The following LRRC4C variants were observed in gnomAD, a reference collection of about 807,000 sequenced individuals.
LRRC4C encodes leucine-rich repeat-containing protein 4C.
A neutral mutation model predicts 33.6 loss-of-function variants in LRRC4C; 5 were observed. That is an observed-to-expected ratio of 0.15 (90% CI 0.08 to 0.31). The LOEUF (loss-of-function observed/expected upper bound fraction) is 0.31. LRRC4C is among the 10% of genes least tolerant of loss of function. LRRC4C has a pLI of 1.00. For missense variants in LRRC4C, 560 were observed against 796.7 expected (o/e 0.70, Z 3.58); for synonymous variants, 329 against 302.0 (o/e 1.09, Z -0.93).
At chr11:40,537,487 G>A (rs2135360187) in intron 3 of LRRC4C, among the ~76,000 whole-genome samples, 1 of 152,310 alleles carries the variant, frequency 6.6e-6, no homozygotes, top group South Asian at 2.1e-4. Context: ...GATTGTAGGA[G>A]ATAGTTGTAG....
chr11:41,122,251 T>C (rs1201384739), intron 1 of LRRC4C, among the ~76,000 whole-genome samples: 2 of 152,102 alleles, frequency 1.3e-5, no homozygotes, highest in Non-Finnish European at 2.9e-5. Context: ...CAAAATACAA[T>C]AGGGTAAAAC....
intron 3 of LRRC4C, among the ~76,000 whole-genome samples, chr11:40,512,708 G>A (rs1200678169): frequency 6.6e-6 from 1 of 152,164 alleles, no homozygotes; most frequent in African/African-American, 2.4e-5. Context: ...CCACCTTAAA[G>A]ATCAATCCTA....
At chr11:41,402,455 T>C (rs1954062170) in intron 1 of LRRC4C, among the ~76,000 whole-genome samples, 1 of 152,064 alleles carries the variant, frequency 6.6e-6, no homozygotes, top group Admixed American at 6.6e-5. Flanking sequence ...ATAAAAGTAT[T>C]CCTTTCAGCA....
chr11:40,365,612 A>T (rs902413114), intron 3 of LRRC4C, among the ~76,000 whole-genome samples: 1 of 151,768 alleles, frequency 6.6e-6, no homozygotes, highest in Non-Finnish European at 1.5e-5. Context: ...ACCAAACAAG[A>T]GGTGAGGGCT....
intron 3 of LRRC4C, among the ~76,000 whole-genome samples, chr11:40,379,609 A>C (rs1413708609): frequency 1.3e-5 from 2 of 152,162 alleles, no homozygotes; most frequent in African/African-American, 4.8e-5. Context: ...AAAAAACCTG[A>C]GGTGTATTTT....
chr11:40,678,019 C>T (rs533445626), intron 2 of LRRC4C, among the ~76,000 whole-genome samples: 6 of 151,988 alleles, frequency 3.9e-5, no homozygotes, highest in Non-Finnish European at 7.4e-5. Context: ...TTAAGAGTAC[C>T]AATGTCTTCC....
At chr11:41,248,259 A>G (rs1476433075) in intron 1 of LRRC4C, among the ~76,000 whole-genome samples, 1 of 152,170 alleles carries the variant, frequency 6.6e-6, no homozygotes, top group Non-Finnish European at 1.5e-5. Flanking sequence ...CAAATCCTGG[A>G]AAGAACTGTC....
intron 3 of LRRC4C, among the ~76,000 whole-genome samples, chr11:40,431,699 C>T (rs147883299): frequency 0.012 from 1,752 of 152,252 alleles, 15 homozygotes; most frequent in South Asian, 0.023. Context: ...ATACTTCATA[C>T]GCATCATGCT....
At chr11:40,189,223 T>C (rs1055559586) in intron 5 of LRRC4C, among the ~76,000 whole-genome samples, 3 of 151,104 alleles carry the variant, frequency 2.0e-5, no homozygotes, top group South Asian at 2.1e-4. Context: ...ATTTCCCCTT[T>C]TAATAGAATC....
At chr11:40,710,788 A>G (rs1165817361) in intron 2 of LRRC4C, among the ~76,000 whole-genome samples, 1 of 152,174 alleles carries the variant, frequency 6.6e-6, no homozygotes, top group African/African-American at 2.4e-5. Flanking sequence ...TTGTTCAGCT[A>G]TACCCTGCCC....
At chr11:40,916,175 G>T (rs1406018879) in intron 2 of LRRC4C, among the ~76,000 whole-genome samples, 1 of 152,194 alleles carries the variant, frequency 6.6e-6, no homozygotes, top group African/African-American at 2.4e-5. Context: ...AATACCATTT[G>T]ACCCAGTCAT....
chr11:40,835,546 C>T (rs1952632514), intron 2 of LRRC4C, among the ~76,000 whole-genome samples: 1 of 152,124 alleles, frequency 6.6e-6, no homozygotes, highest in Admixed American at 6.6e-5. Context: ...GTACTAATGA[C>T]CACAAAAATC....
intron 3 of LRRC4C, among the ~76,000 whole-genome samples, chr11:40,385,277 G>A (rs1461434595): frequency 1.3e-5 from 2 of 152,150 alleles, no homozygotes; most frequent in Admixed American, 6.5e-5. Flanking sequence ...GAAACATTAA[G>A]TCATCTCAAG....
intron 1 of LRRC4C, among the ~76,000 whole-genome samples, chr11:41,138,002 T>A (rs1332284174): frequency 6.6e-6 from 1 of 152,158 alleles, no homozygotes; most frequent in South Asian, 2.1e-4. Context: ...TTGTAAAAAA[T>A]TAAGTAGCTA....
At chr11:40,918,301 G>A (rs1460510483) in intron 2 of LRRC4C, among the ~76,000 whole-genome samples, 1 of 152,074 alleles carries the variant, frequency 6.6e-6, no homozygotes, top group Non-Finnish European at 1.5e-5. Flanking sequence ...GGATATGTGT[G>A]TGCATGTGTG....
chr11:41,448,122 G>GTTTTTTTTTTGTTTTTTTTT (rs1955888158), intron 1 of LRRC4C, among the ~76,000 whole-genome samples: 1 of 46,948 alleles, frequency 2.1e-5, no homozygotes, highest in Non-Finnish European at 4.4e-5. Context: ...GCACACGTCT[G>GTTTTTTTTTTGTTTTTTTTT]TTTTTTTTTT....
intron 3 of LRRC4C, among the ~76,000 whole-genome samples, chr11:40,609,247 GA>G (rs1960948898): frequency 6.6e-6 from 1 of 151,908 alleles, no homozygotes; most frequent in African/African-American, 2.4e-5. Context: ...AATAAAAGTA[GA>G]AATCAACAAC....
chr11:40,849,897 G>A (rs1212934113), intron 2 of LRRC4C, among the ~76,000 whole-genome samples: 1 of 150,916 alleles, frequency 6.6e-6, no homozygotes, highest in Non-Finnish European at 1.5e-5. Flanking sequence ...ATCTCTGATA[G>A]CCTTTCTTCT....
chr11:40,663,986 A>C lies in LRRC4C; in HGVS notation c.-406-15708T>G, dbSNP rs112992991. ...TCTTCTTGATGATTTTGTCTGATCA[A>C]AGGTTGTACAGAAGTCCCGCATATA... On this transcript the variant is annotated intron_variant, in intron 2 of 6. Coordinates refer to ENST00000528697, the MANE Select transcript of LRRC4C (RefSeq NM_001258419.2). 3.7e-3 allele frequency among the ~76,000 whole-genome samples: 570 copies of C among 152,302 alleles called. 5 individuals carry two copies. The highest frequency in any genetic ancestry group is 0.013 in the African/African-American group (546 of 41,566).
Sources: allele counts gnomAD v4.1 joint callset (sites outside exome capture counted in the v4.1 genomes callset), GRCh38; gene constraint gnomAD v4.1.1; transcripts MANE v1.5; gene names NCBI Gene and HGNC (gene_info 2026-07-23, HGNC 2026-07-21).